Variants in OVCH1 observed in about 807,000 individuals in gnomAD.
OVCH1 encodes ovochymase-1.
OVCH1 carries 139 observed loss-of-function variants against 138.4 expected under a neutral mutation model. That is an observed-to-expected ratio of 1.00 (90% CI 0.87 to 1.16). The LOEUF is 1.16. OVCH1 is among the 50% of genes most tolerant of loss of function. The pLI, the probability that OVCH1 is intolerant of heterozygous loss-of-function variation, is 0.00. For synonymous variants in OVCH1, 453 were observed against 467.8 expected (o/e 0.97, Z 0.41); for missense variants, 1,367 against 1,357.9 (o/e 1.01, Z -0.11).
intron 9 of OVCH1, 172 bp from the exon 11 acceptor site, chr12:29,477,650 A>T: frequency 1.9e-6 from 3 of 1,558,004 alleles, no homozygotes; most frequent in Non-Finnish European, 8.8e-7. Context: ...TTGCTATTCC[A>T]GTCTCCTTCT....
intron 8 of OVCH1, among the ~76,000 whole-genome samples, chr12:29,483,198 A>G (rs1355774137): frequency 1.3e-5 from 2 of 152,186 alleles, no homozygotes; most frequent in South Asian, 2.1e-4. Context: ...TTTCCTTCAG[A>G]CAAATTCTGG....
chr12:29,462,036 C>T lies in OVCH1; in HGVS notation c.2126-28G>A, dbSNP rs776696027. On this transcript the variant is annotated intron_variant, in intron 18 of 27. Coordinates refer to ENST00000318184, the Ensembl canonical transcript of OVCH1. ...AATGAAGAAACATTCAGAGAGAGCT[C>T]GATGATGAAGTAAGCAGAAAGTGTT... is the stretch of plus-strand genomic sequence containing the variant. The T allele has an allele frequency of 2.0e-5, 32 of 1,602,136 alleles. No homozygotes were observed. The highest frequency in any genetic ancestry group is 4.5e-5 in the East Asian group (2 of 44,654).
chr12:29,495,691 C>A (rs1272981022), intron 3 of OVCH1, among the ~76,000 whole-genome samples: 1 of 151,820 alleles, frequency 6.6e-6, no homozygotes, highest in Non-Finnish European at 1.5e-5. Context: ...ATATTGCATC[C>A]TTTTCTTCTT....
intron 3 of OVCH1, chr12:29,412,817 C>T (rs1940977286): frequency 1.3e-5 from 2 of 152,194 alleles, no homozygotes; most frequent in African/African-American, 4.8e-5. Context: ...TCTTCAGTGA[C>T]AGCTCTAGAA....
Position 29,454,949 on chromosome 12 carries a change from A to G in OVCH1, c.2438-16T>C. 1 of 1,579,556 alleles carries G rather than the reference A, an allele frequency of 6.3e-7. No individual in the cohort carries two copies. The highest frequency in any genetic ancestry group is 8.7e-7 in the Non-Finnish European group (1 of 1,152,252). On this transcript the variant is annotated splice_polypyrimidine_tract_variant and intron_variant, in intron 20 of 27. Transcript: ENST00000318184. Reference sequence around the variant, plus strand: ...GAAGCAGGACCTGTATTTGGGGAGAACATGTTAAAAATAAAGATGAAAGCC... The same window carrying G: ...GAAGCAGGACCTGTATTTGGGGAGAGCATGTTAAAAATAAAGATGAAAGCC...
In OVCH1 at chr12:29,495,474, A is replaced by G. The variant is rs1943389563; in HGVS notation, c.282-17T>C. 3 of 1,607,694 alleles carry G rather than the reference A, an allele frequency of 1.9e-6. No individual in the cohort carries two copies. The highest frequency in any genetic ancestry group is 2.5e-6 in the Non-Finnish European group (3 of 1,177,390). On this transcript the variant is annotated splice_polypyrimidine_tract_variant and intron_variant, in intron 3 of 27. Transcript: ENST00000318184. ...AGCTGCTTCCTAAAACCAAAGAAAA[A>G]TGTTTCATAAGTAGTTGTTTCCCCT...
At chr12:29,471,162 C>T (rs910913698) in intron 16 of OVCH1, among the ~76,000 whole-genome samples, 5 of 152,016 alleles carry the variant, frequency 3.3e-5, no homozygotes, top group African/African-American at 9.7e-5. Context: ...AAACTGGATG[C>T]TGGGAATACA....
chr12:29,413,284 A>G (rs1180883537), intron 3 of OVCH1, among the ~76,000 whole-genome samples: 2 of 152,102 alleles, frequency 1.3e-5, no homozygotes, highest in East Asian at 1.9e-4. Flanking sequence ...TCCCACGACA[A>G]TAGGAACATA....
rs542467507 is a variant in OVCH1 at position 29,461,984 on chromosome 12, T to C, written c.2150A>G (p.Gln717Arg). The change falls in exon 19 of 28, where the codon CAG (glutamine) becomes CGG (arginine). Residue 717 changes from glutamine to arginine, a missense_variant. Coordinates refer to ENST00000318184, the Ensembl canonical transcript of OVCH1. The stretch of plus-strand genomic sequence containing the variant: ...TTCTAACACATGCACTTGAATCTGC[T>C]GTAGGCGACTTGCTAGGCCACCATC... 2.5e-6 allele frequency: 4 copies of C among 1,612,976 alleles called. No homozygotes were observed. The African/African-American group carries it at 5.3e-5, about 21-fold the overall frequency.
At chr12:29,425,792 G>A (rs17660235), downstream of OVCH1, 1 of 152,052 alleles carries the variant, frequency 6.6e-6, no homozygotes, top group Non-Finnish European at 1.5e-5. Flanking sequence ...ATATTAAGCA[G>A]AACAAGTTTT....
intron 3 of OVCH1, among the ~76,000 whole-genome samples, chr12:29,416,887 G>A (rs1386067717): frequency 6.6e-6 from 1 of 152,148 alleles, no homozygotes; most frequent in Non-Finnish European, 1.5e-5. Context: ...TAATAGCCCA[G>A]AGCTGGAAAC....
intron 20 of OVCH1, 70 bp from the exon 21 acceptor site, chr12:29,455,003 C>A: frequency 7.7e-7 from 1 of 1,304,692 alleles, no homozygotes; most frequent in Non-Finnish European, 1.1e-6. Flanking sequence ...GGCACTAAAG[C>A]AGCCACTATC....
intron 22 of OVCH1, among the ~76,000 whole-genome samples, chr12:29,446,587 G>A (rs1336373798): frequency 6.6e-6 from 1 of 151,984 alleles, no homozygotes; most frequent in Non-Finnish European, 1.5e-5. Context: ...ATGCTAGGTT[G>A]GAAAATTATA....
At chr12:29,433,003 AGGGCAAAAGGG>A (rs2135903602) in intron 27 of OVCH1, among the ~76,000 whole-genome samples, 1 of 152,260 alleles carries the variant, frequency 6.6e-6, no homozygotes. Context: ...GAAAAACGAG[AGGGCAAAAGGG>A]GAGACAGTGA....
chr12:29,411,093 C>T (rs55864874), downstream of OVCH1, among the ~76,000 whole-genome samples: 31,920 of 83,812 alleles, frequency 0.38, 8,144 homozygotes, highest in Middle Eastern at 0.72. Flanking sequence ...TCCAGTTGAT[C>T]GCATCAGCTC....
chr12:29,413,550 T>A (rs1940989445), intron 3 of OVCH1, among the ~76,000 whole-genome samples: 1 of 152,210 alleles, frequency 6.6e-6, no homozygotes, highest in Non-Finnish European at 1.5e-5. Flanking sequence ...TTCCCAGATG[T>A]ATCATAAAAT....
chr12:29,470,264 C>A (rs565513392), intron 16 of OVCH1, among the ~76,000 whole-genome samples: 1 of 152,084 alleles, frequency 6.6e-6, no homozygotes, highest in Non-Finnish European at 1.5e-5. Context: ...TGTGCAGAAT[C>A]TGCAGGTTTG....
At chr12:29,477,297 C>T (rs2136034750) in intron 11 of OVCH1, 44 bp downstream of exon 11, 1 of 1,613,520 alleles carries the variant, frequency 6.2e-7, no homozygotes, top group Non-Finnish European at 8.5e-7. Flanking sequence ...TCCCCACCCA[C>T]ATCAAGGGAA....
intron 26 of OVCH1, among the ~76,000 whole-genome samples, chr12:29,439,033 T>G (rs1941416968): frequency 6.6e-6 from 1 of 152,098 alleles, no homozygotes; most frequent in Admixed American, 6.6e-5. Context: ...CCTCCCACTA[T>G]CTCCACTAGG....
Sources: gnomAD v4.1 joint callset for allele counts (sites outside exome capture counted in the v4.1 genomes callset) on GRCh38, gnomAD v4.1.1 for gene constraint, MANE v1.5 for transcripts, NCBI Gene and HGNC (gene_info 2026-07-23, HGNC 2026-07-21) for gene names.